Variants in PNLIPRP1 observed in about 807,000 individuals in gnomAD.
PNLIPRP1 encodes the protein inactive pancreatic lipase-related protein 1.
Under a neutral mutation model 54.6 loss-of-function variants are expected in PNLIPRP1, and 57 were observed. The ratio of observed to expected loss-of-function variants is 1.04; its 90% confidence interval spans 0.84 to 1.30. The LOEUF is 1.30. PNLIPRP1 is among the 50% of genes most tolerant of loss of function. The pLI, the probability that PNLIPRP1 is intolerant of heterozygous loss-of-function variation, is 0.00. For synonymous variants in PNLIPRP1, 232 were observed against 208.8 expected, an observed-to-expected ratio of 1.11 and a Z score of -0.96; for missense variants, 567 against 568.5, an observed-to-expected ratio of 1.00 and a Z score of 0.03.
intron 8 of PNLIPRP1, among the ~76,000 whole-genome samples, chr10:116,599,282 AAAATAAAATAAAAT>A (rs1554864436): frequency 7.9e-5 from 12 of 151,576 alleles, no homozygotes; most frequent in Admixed American, 7.3e-4. Flanking sequence ...AAAATAAAAT[AAAATAAAATAAAAT>A]AAAAAATAAA....
In PNLIPRP1 at chr10:116,597,934, G is replaced by A. The variant is rs1847765233; in HGVS notation, c.681G>A (p.Leu227=). The A allele has an allele frequency of 1.2e-6, 2 of 1,614,214 alleles. No homozygotes were observed. The highest frequency in any genetic ancestry group is 1.3e-5 in the African/African-American group (1 of 75,052). Residue 227 remains leucine, a synonymous_variant, in exon 7 of 13, where the codon CTG becomes CTA. Coordinates refer to ENST00000358834, the MANE Select transcript of PNLIPRP1 (RefSeq NM_006229.4). ...VDVIHTDAAP[L]IPFLGFGTNQ... is the part of the protein sequence containing the mutation. Reference sequence around the variant, plus strand: ...TGATTCACACGGATGCAGCTCCCCTGATCCCATTCTTGGGTGAGACCTATG... The same window carrying A: ...TGATTCACACGGATGCAGCTCCCCTAATCCCATTCTTGGGTGAGACCTATG...
intron 7 of PNLIPRP1, 33 bp downstream of exon 7, chr10:116,597,980 C>A: frequency 1.2e-6 from 2 of 1,614,110 alleles, no homozygotes; most frequent in Non-Finnish European, 1.7e-6. Flanking sequence ...TGTGAGCACG[C>A]ACAACTGTGT....
At chr10:116,597,797 A>G in intron 6 of PNLIPRP1, 31 bp from the exon 7 acceptor site, 1 of 1,613,896 alleles carries the variant, frequency 6.2e-7, no homozygotes, top group African/African-American at 1.3e-5. Context: ...AGTCAGGTCT[A>G]TTGTTCTGCA....
Position 116,591,125 on chromosome 10 carries a change from T to A in PNLIPRP1, c.1-5T>A, listed in dbSNP as rs782252814. On this transcript the variant is annotated splice_region_variant and splice_polypyrimidine_tract_variant and intron_variant, in intron 1 of 12. Transcript: ENST00000358834. ...GAGACTGAATTATGTTTAAATTTAT[T>A]GTAGATGCTGATCTTCTGGACAATC... 2 of 1,612,932 alleles carry A rather than the reference T, an allele frequency of 1.2e-6. No individual in the cohort carries two copies. Among genetic ancestry groups the A allele is most frequent in the Non-Finnish European group, 1.7e-6 (2 of 1,179,314 alleles).
intron 3 of PNLIPRP1, 70 bp downstream of exon 3, chr10:116,591,995 A>G (rs1330051831): frequency 1.3e-6 from 2 of 1,520,332 alleles, no homozygotes; most frequent in Non-Finnish European, 1.8e-6. Flanking sequence ...GACCATGAAT[A>G]CCTTATCTCT....
At chr10:116,607,477 A>G (rs1322619442) in intron 12 of PNLIPRP1, among the ~76,000 whole-genome samples, 5 of 152,124 alleles carry the variant, frequency 3.3e-5, no homozygotes, top group African/African-American at 1.2e-4. Flanking sequence ...GGAGGCTGTG[A>G]TGGAAGGAAG....
chr10:116,603,643 A>G (rs868949672), intron 10 of PNLIPRP1, among the ~76,000 whole-genome samples: 9 of 152,146 alleles, frequency 5.9e-5, no homozygotes, highest in Non-Finnish European at 8.8e-5. Flanking sequence ...CTGTATTCCC[A>G]TCACTTTGGG....
intron 12 of PNLIPRP1, 96 bp from the exon 13 acceptor site, chr10:116,608,957 A>G: frequency 4.1e-6 from 4 of 965,878 alleles, no homozygotes; most frequent in Non-Finnish European, 6.7e-6. Context: ...CCCCTTAAGA[A>G]AAACCAAACC....
chr10:116,605,444 G>A lies in PNLIPRP1; in HGVS notation c.1231G>A (p.Gly411Arg). The A allele has an allele frequency of 6.2e-7, 1 of 1,611,294 alleles. No individual in the cohort carries two copies. Among genetic ancestry groups the A allele is most frequent in the Admixed American group, 1.7e-5 (1 of 59,990 alleles). Residue 411 changes from glycine to arginine, a missense_variant, in exon 12 of 13, where the codon GGA becomes AGA. Coordinates refer to ENST00000358834, the MANE Select transcript of PNLIPRP1 (RefSeq NM_006229.4). ...SYEFDAKLDVGTIEKVKFLWN... is the reference protein window; with the variant it reads ...SYEFDAKLDVRTIEKVKFLWN... ...TGAGTTTGATGCAAAGCTGGATGTTGGAACAATTGAGAAAGTCAAGTTTCT... is the reference window on the plus strand; with the variant it reads ...TGAGTTTGATGCAAAGCTGGATGTTAGAACAATTGAGAAAGTCAAGTTTCT...
Position 116,591,139 on chromosome 10 carries a change from T to C in PNLIPRP1, c.10T>C (p.Phe4Leu). MLI[F>L]WTITLFLLGA... Reference sequence around the variant, plus strand: ...TTTAAATTTATTGTAGATGCTGATCTTCTGGACAATCACACTTTTCCTGCT... The same window carrying C: ...TTTAAATTTATTGTAGATGCTGATCCTCTGGACAATCACACTTTTCCTGCT... The change falls in exon 2 of 13, where the codon TTC becomes CTC. Residue 4 changes from phenylalanine (F) to leucine (L), a missense_variant. Coordinates refer to ENST00000358834, the MANE Select transcript of PNLIPRP1 (RefSeq NM_006229.4). 1 of 1,613,602 alleles carries C rather than the reference T, an allele frequency of 6.2e-7. No homozygotes were observed. The highest frequency in any genetic ancestry group is 2.2e-5 in the East Asian group (1 of 44,872).
rs527543102 is a variant in PNLIPRP1, at chr10:116,600,173, A to G, written c.933+8A>G. 4.5e-6 allele frequency: 7 copies of G among 1,566,306 alleles called. No individual in the cohort carries two copies. In the South Asian group the frequency reaches 6.7e-5, roughly 15 times the overall value. On this transcript the variant is annotated splice_region_variant and intron_variant, in intron 9 of 12. Transcript: ENST00000358834. ...TACAAGTCCTTTGAGTCTGTAAGCT[A>G]TTGTCCTGCCTCGAGCAACAAGCAT...
intron 11 of PNLIPRP1, among the ~76,000 whole-genome samples, chr10:116,605,108 T>G (rs782282502): frequency 3.3e-5 from 5 of 152,198 alleles, no homozygotes; most frequent in Non-Finnish European, 7.3e-5. Flanking sequence ...GCCAATTTGT[T>G]ACTGTACAAA....
In PNLIPRP1 at chr10:116,591,892, G is replaced by T; in HGVS notation, c.171G>T (p.Leu57=). 1 of 1,614,162 alleles carries T rather than the reference G, an allele frequency of 6.2e-7. No individual in the cohort carries two copies. The highest frequency in any genetic ancestry group is 8.5e-7 in the Non-Finnish European group (1 of 1,180,038). ...WSPEKIGTRF[L]LYTNENPNNF... Reference sequence around the variant, plus strand: ...CTGAGAAGATCGGCACCCGCTTCCTGCTGTACACCAATGAAAACCCAAACA... The same window carrying T: ...CTGAGAAGATCGGCACCCGCTTCCTTCTGTACACCAATGAAAACCCAAACA... The change falls in exon 3 of 13, where the codon CTG becomes CTT. Residue 57 remains leucine, a synonymous_variant. Transcript: ENST00000358834.
intron 9 of PNLIPRP1, among the ~76,000 whole-genome samples, chr10:116,600,840 G>A (rs1554864668): frequency 6.6e-6 from 1 of 152,184 alleles, no homozygotes; most frequent in African/African-American, 2.4e-5. Context: ...TCTAACCTGG[G>A]TCCTGGGCAT....
chr10:116,604,790 G>A (rs2133241573), intron 11 of PNLIPRP1, among the ~76,000 whole-genome samples: 1 of 144,486 alleles, frequency 6.9e-6, no homozygotes, highest in East Asian at 2.2e-4. Context: ...CCGGGTTCAA[G>A]AAATTCTCGT....
At chr10:116,592,294 G>A in intron 3 of PNLIPRP1, 122 bp from the exon 4 acceptor site, 1 of 1,126,500 alleles carries the variant, frequency 8.9e-7, no homozygotes, top group Non-Finnish European at 1.3e-6. Flanking sequence ...GGGCTTCATG[G>A]AAGAAGTGGC....
intron 11 of PNLIPRP1, among the ~76,000 whole-genome samples, chr10:116,604,681 C>CTTTTTTTTTTTT (rs1234478269): frequency 6.4e-5 from 6 of 94,128 alleles, no homozygotes; most frequent in East Asian, 3.7e-4. Context: ...CTTTCTCTCT[C>CTTTTTTTTTTTT]TTTTTTTTTT....
chr10:116,591,075 G>A (rs1167654400), intron 1 of PNLIPRP1, 55 bp from the exon 2 acceptor site: 2 of 1,423,814 alleles, frequency 1.4e-6, no homozygotes, highest in African/African-American at 1.4e-5. Context: ...GGGCGTCGGT[G>A]CTCACTGCTC....
intron 12 of PNLIPRP1, among the ~76,000 whole-genome samples, chr10:116,608,711 C>G (rs1161489475): frequency 6.6e-6 from 1 of 152,226 alleles, no homozygotes; most frequent in Non-Finnish European, 1.5e-5. Flanking sequence ...GACTGGAAGA[C>G]AGCATCCCTC....
Sources: gnomAD v4.1 joint callset for allele counts (sites outside exome capture counted in the v4.1 genomes callset) on GRCh38, gnomAD v4.1.1 for gene constraint, MANE v1.5 for transcripts, NCBI Gene and HGNC (gene_info 2026-07-23, HGNC 2026-07-21) for gene names.